LOC400499: variants seen among roughly 807,000 people sequenced by gnomAD.
chr16:11,396,646 C>T, the LOC400499 span: 1 of 1,232,122 alleles, frequency 8.1e-7, no homozygotes, highest in Admixed American at 4.2e-5. Flanking sequence ...CACCCTGGCC[C>T]AGGGTGTGCT....
the LOC400499 span, among the ~76,000 whole-genome samples, chr16:11,383,150 C>G: frequency 6.6e-6 from 1 of 151,912 alleles, no homozygotes; most frequent in Non-Finnish European, 1.5e-5. Context: ...ACTGCAAGCT[C>G]TGCCTCCTGG....
chr16:11,415,748 G>C, the LOC400499 span, among the ~76,000 whole-genome samples: 1 of 152,030 alleles, frequency 6.6e-6, no homozygotes, highest in Non-Finnish European at 1.5e-5. Flanking sequence ...CTCTTGGCTG[G>C]GGGCGGCCAT....
At chr16:11,446,609 C>T in the LOC400499 span, 41 of 1,535,980 alleles carry the variant, frequency 2.7e-5, no homozygotes, top group African/African-American at 1.6e-4. Context: ...ACTTTGCCAT[C>T]GTATGGATGC....
the LOC400499 span, among the ~76,000 whole-genome samples, chr16:11,459,056 ATAAATAAAT>A: frequency 6.6e-6 from 1 of 151,668 alleles, no homozygotes; most frequent in South Asian, 2.1e-4. Context: ...AAAAAATAAA[ATAAATAAAT>A]AAATAAATAA....
chr16:11,444,464 T>C, the LOC400499 span, among the ~76,000 whole-genome samples: 3 of 152,194 alleles, frequency 2.0e-5, no homozygotes, highest in African/African-American at 7.2e-5. Flanking sequence ...TGGCCTGTTT[T>C]TGCAAGTGAA....
the LOC400499 span, among the ~76,000 whole-genome samples, chr16:11,409,988 C>T: frequency 6.6e-6 from 1 of 152,070 alleles, no homozygotes; most frequent in Admixed American, 6.6e-5. Context: ...CTAAGAAGCT[C>T]CCGGAATGGA....
chr16:11,440,690 C>A, the LOC400499 span: 1 of 398,968 alleles, frequency 2.5e-6, no homozygotes, highest in South Asian at 1.3e-4. Flanking sequence ...GACCCGGCCT[C>A]CCTCGGCAAG....
the LOC400499 span, among the ~76,000 whole-genome samples, chr16:11,400,579 T>C: frequency 6.6e-6 from 1 of 152,222 alleles, no homozygotes; most frequent in African/African-American, 2.4e-5. Context: ...CAGTTGGGAT[T>C]GCAGGCACAC....
chr16:11,502,000 C>G, the LOC400499 span: 3 of 398,018 alleles, frequency 7.5e-6, no homozygotes, highest in African/African-American at 6.2e-5. Flanking sequence ...GAACCCAGGA[C>G]AGCACGAAGA....
the LOC400499 span, among the ~76,000 whole-genome samples, chr16:11,495,601 A>T: frequency 1.3e-5 from 2 of 152,112 alleles, no homozygotes; most frequent in Non-Finnish European, 2.9e-5. Context: ...GCTGGTGGTG[A>T]ACCCCTGACC....
chr16:11,377,104 C>T, the LOC400499 span, among the ~76,000 whole-genome samples: 2 of 152,166 alleles, frequency 1.3e-5, no homozygotes, highest in African/African-American at 2.4e-5. Flanking sequence ...TAGGCGTGCA[C>T]AACCATGCCC....
At chr16:11,450,280 C>T in the LOC400499 span, among the ~76,000 whole-genome samples, 1 of 152,256 alleles carries the variant, frequency 6.6e-6, no homozygotes. Context: ...CGACTTACGT[C>T]CTAGAAATTT....
At chr16:11,487,426 C>A in the LOC400499 span, 1 of 398,526 alleles carries the variant, frequency 2.5e-6, no homozygotes, top group African/African-American at 2.1e-5. Context: ...TCTGTACACT[C>A]ACAGAGTGGG....
the LOC400499 span, among the ~76,000 whole-genome samples, chr16:11,477,491 T>C: frequency 2.6e-5 from 4 of 152,174 alleles, no homozygotes; most frequent in Non-Finnish European, 5.9e-5. Flanking sequence ...GCTTGGTTGG[T>C]CGGGAGGGCG....
At chr16:11,375,847 A>G in the LOC400499 span, among the ~76,000 whole-genome samples, 5 of 150,280 alleles carry the variant, frequency 3.3e-5, no homozygotes, top group African/African-American at 1.2e-4. Context: ...CTCCTGCCTC[A>G]GCCTCCCAAG....
chr16:11,494,641 T>C, the LOC400499 span: 3,528 of 399,356 alleles, frequency 8.8e-3, 103 homozygotes, highest in African/African-American at 0.065. Context: ...GGATCCTCAC[T>C]AGGGAGCCGA....
the LOC400499 span, among the ~76,000 whole-genome samples, chr16:11,474,860 T>G: frequency 6.6e-6 from 1 of 152,228 alleles, no homozygotes; most frequent in South Asian, 2.1e-4. Flanking sequence ...ACAGAGACCC[T>G]GTCTCAATAA....
At chr16:11,384,302 T>C in the LOC400499 span, 2 of 1,232,378 alleles carry the variant, frequency 1.6e-6, no homozygotes, top group East Asian at 6.3e-5. Context: ...TTGTCATTGG[T>C]GCCCAGAAGG....
the LOC400499 span, among the ~76,000 whole-genome samples, chr16:11,433,792 CT>C: frequency 1.3e-5 from 2 of 152,242 alleles, no homozygotes; most frequent in Admixed American, 1.3e-4. Flanking sequence ...AGCTTCTGGG[CT>C]GAACACACAG....
Sources: gnomAD v4.1 joint callset for allele counts (sites outside exome capture counted in the v4.1 genomes callset) on GRCh38, gnomAD v4.1.1 for gene constraint, MANE v1.5 for transcripts.